Variants in CPS1 observed in about 807,000 individuals in gnomAD.
The protein encoded by CPS1 is carbamoyl-phosphate synthase 1, also known as carbamoyl-phosphate synthase [ammonia], mitochondrial.
In CPS1, 109 loss-of-function variants were observed where a neutral mutation model predicts 174.6. That is an observed-to-expected ratio of 0.62 (90% CI 0.53 to 0.73). The LOEUF is 0.73. Ranked by LOEUF, CPS1 falls within the 30% of genes least tolerant of loss-of-function variation. CPS1 has a pLI of 0.00. For missense variants in CPS1, 1,689 were observed against 1,821.9 expected (o/e 0.93, Z 1.33); for synonymous variants, 637 against 632.0 (o/e 1.01, Z -0.12).
In CPS1 at chr2:210,612,276, A is replaced by T; in HGVS notation, c.2551A>T (p.Ile851Phe). Residue 851 changes from isoleucine (I) to phenylalanine (F), a missense_variant, in exon 20 of 38, where the codon ATC becomes TTC. Coordinates refer to ENST00000233072, the MANE Select transcript of CPS1 (RefSeq NM_001875.5). ...KELSEPSSTR[I>F]YAIAKAIDDN... is the part of the protein sequence containing the mutation. ...GTTGTCTGAACCAAGCAGCACGCGT[A>T]TCTATGCCATTGCCAAGGTAAGATG... is the stretch of plus-strand genomic sequence containing the variant. 6.2e-7 allele frequency: 1 copy of T among 1,612,018 alleles called. No individual in the cohort carries two copies. Among genetic ancestry groups the T allele is most frequent in the South Asian group, 1.1e-5 (1 of 91,060 alleles).
chr2:210,640,194 G>T (rs1420283484), intron 24 of CPS1, 135 bp downstream of exon 24: 1 of 647,918 alleles, frequency 1.5e-6, no homozygotes, highest in Middle Eastern at 4.3e-4. Context: ...GGAAGCTGGG[G>T]TTCAGAAAAA....
Position 210,642,491 on chromosome 2 carries a change from T to C in CPS1, c.2967T>C (p.Ser989=), listed in dbSNP as rs772390696. ...ATCTCATTGTCTCTGCAGGCAGCAG[T>C]GTGGAATTTGATTGGTGTGCTGTCT... ...LGCGPYHIGS[S]VEFDWCAVSS... is the part of the protein sequence containing the mutation. The change falls in exon 25 of 38, where the codon AGT becomes AGC. Residue 989 remains serine (S), a synonymous_variant. Transcript: ENST00000233072. 4 of 1,613,808 alleles carry C rather than the reference T, an allele frequency of 2.5e-6. 1 individual carries two copies. The highest frequency in any genetic ancestry group is 2.2e-5 in the South Asian group (2 of 91,082).
intron 1 of CPS1, among the ~76,000 whole-genome samples, chr2:210,504,801 T>C (rs934265373): frequency 1.3e-5 from 2 of 152,238 alleles, no homozygotes; most frequent in Non-Finnish European, 2.9e-5. Flanking sequence ...TACCCACTTC[T>C]TACTGGCAGA....
chr2:210,523,801 G>C (rs888896728), intron 1 of CPS1, among the ~76,000 whole-genome samples: 5 of 151,980 alleles, frequency 3.3e-5, no homozygotes, highest in Admixed American at 3.3e-4. Flanking sequence ...TGTGCCTGAA[G>C]GTGAGGCAGA....
At chr2:210,626,726 T>G (rs953392506) in intron 21 of CPS1, among the ~76,000 whole-genome samples, 4 of 152,232 alleles carry the variant, frequency 2.6e-5, no homozygotes, top group Non-Finnish European at 4.4e-5. Context: ...TTTTGCATTT[T>G]CTGAGAAGTT....
upstream of CPS1, chr2:210,555,734 T>C: frequency 2.2e-6 from 1 of 450,826 alleles, no homozygotes; most frequent in South Asian, 1.6e-5. Context: ...CTGTTCTACA[T>C]AGTCATGTGA....
intron 21 of CPS1, among the ~76,000 whole-genome samples, chr2:210,620,756 T>G (rs1699490541): frequency 6.6e-6 from 1 of 152,014 alleles, no homozygotes; most frequent in Non-Finnish European, 1.5e-5. Flanking sequence ...AGGGGGTTGG[T>G]GCTACATCAT....
At chr2:210,486,103 TACACACACACATACACACACACACAC>T (rs1694711006) in intron 1 of CPS1, among the ~76,000 whole-genome samples, 1 of 103,916 alleles carries the variant, frequency 9.6e-6, no homozygotes, top group African/African-American at 3.6e-5. Flanking sequence ...CATATATATA[TACACACACACATACACACACACACAC>T]ACACACACAC....
At chr2:210,616,158 G>A (rs188161821) in intron 20 of CPS1, among the ~76,000 whole-genome samples, 3 of 151,914 alleles carry the variant, frequency 2.0e-5, no homozygotes, top group Non-Finnish European at 4.4e-5. Flanking sequence ...AAAGAGGAGC[G>A]AGTCAAAACC....
rs1553718831 is a variant in CPS1 at position 210,497,893 on chromosome 2, C to CATATATATATCT, written c.3+20137_3+20138insCTATATATATAT. On this transcript the variant is annotated intron_variant, in intron 1 of 38. Coordinates refer to the CPS1 transcript ENST00000430249. ...TTTTTGGTAGAACAATATATACATA[C>CATATATATATCT]ATATATATATATATATATATATATA... Among the ~76,000 whole-genome samples, 21 of 86,942 alleles carry CATATATATATCT rather than the reference C, an allele frequency of 2.4e-4. No individual in the cohort carries two copies. The East Asian group carries it at 6.6e-3, about 27-fold the overall frequency. 57.0% of individuals were successfully genotyped at this position (86,942 alleles called of 152,430 possible).
intron 6 of CPS1, among the ~76,000 whole-genome samples, chr2:210,583,817 G>A (rs1456011428): frequency 2.6e-5 from 4 of 152,054 alleles, no homozygotes; most frequent in Admixed American, 6.6e-5. Flanking sequence ...TCATTTTGGA[G>A]CAAAGTAAAG....
At chr2:210,489,053 G>C (rs1694797072) in intron 1 of CPS1, among the ~76,000 whole-genome samples, 1 of 152,054 alleles carries the variant, frequency 6.6e-6, no homozygotes, top group Admixed American at 6.6e-5. Flanking sequence ...GGAGAGCTTA[G>C]CAAGAAAATT....
chr2:210,635,671 A>G (rs980699332), intron 21 of CPS1, among the ~76,000 whole-genome samples: 8 of 152,252 alleles, frequency 5.3e-5, no homozygotes, highest in African/African-American at 1.9e-4. Flanking sequence ...ATACTAAGTC[A>G]GCAATAATAC....
chr2:210,639,782 CTATT>C (rs1403018640), intron 23 of CPS1, among the ~76,000 whole-genome samples: 2 of 152,032 alleles, frequency 1.3e-5, no homozygotes, highest in African/African-American at 2.4e-5. Flanking sequence ...GTTCTCATGA[CTATT>C]TAATTTAAAA....
intron 20 of CPS1, 90 bp downstream of exon 20, chr2:210,612,383 G>T: frequency 6.6e-7 from 1 of 1,509,544 alleles, no homozygotes; most frequent in East Asian, 2.3e-5. Flanking sequence ...TCACAAAGTG[G>T]TTTTAAATCA....
rs1436002069 is a variant in CPS1 at position 210,485,243 on chromosome 2, A to AT, written c.3+7477_3+7478insT. ...CAAGACTACATCTCAAAAAAAAAAA[A>AT]AATAAAATAAAAATAAAAATAGATC... On this transcript the variant is annotated intron_variant, in intron 1 of 38. Coordinates refer to the CPS1 transcript ENST00000430249. Among the ~76,000 whole-genome samples, 249 of 142,616 alleles carry AT rather than the reference A, an allele frequency of 1.7e-3. 1 individual carries two copies. The Middle Eastern group carries it at 0.052, about 30-fold the overall frequency. 93.6% of individuals were successfully genotyped at this position (142,616 alleles called of 152,430 possible).
intron 1 of CPS1, among the ~76,000 whole-genome samples, chr2:210,503,272 A>G (rs944553107): frequency 6.6e-6 from 1 of 152,102 alleles, no homozygotes; most frequent in African/African-American, 2.4e-5. Flanking sequence ...TATACTTGAG[A>G]CACTCAGCTT....
chr2:210,584,441 A>G (rs1261625013), intron 6 of CPS1, among the ~76,000 whole-genome samples: 2 of 152,138 alleles, frequency 1.3e-5, no homozygotes, highest in Admixed American at 1.3e-4. Flanking sequence ...AGGAGTAGAA[A>G]ATGTACATGT....
At position 210,660,586 on chromosome 2, in the gene CPS1, G is replaced by A. The variant is rs1386277481; in HGVS notation, c.3858G>A (p.Glu1286=). The change falls in exon 32 of 38, where the codon GAG becomes GAA. Residue 1286 remains glutamate (E), a synonymous_variant. Coordinates refer to ENST00000233072, the MANE Select transcript of CPS1 (RefSeq NM_001875.5). The part of the protein sequence containing the change: ...IDVATKVMIG[E]NVDEKHLPTL... ...TGGCCACCAAGGTGATGATTGGAGA[G>A]AATGTTGATGAGAAACATCTTCCAA... is the stretch of plus-strand genomic sequence containing the variant. 1.9e-6 allele frequency: 3 copies of A among 1,614,118 alleles called. No homozygotes were observed. The highest frequency in any genetic ancestry group is 2.5e-6 in the Non-Finnish European group (3 of 1,179,964).
Sources: allele counts gnomAD v4.1 joint callset (sites outside exome capture counted in the v4.1 genomes callset), GRCh38; gene constraint gnomAD v4.1.1; transcripts MANE v1.5; gene names NCBI Gene and HGNC (gene_info 2026-07-23, HGNC 2026-07-21).